Variants in DCT observed in about 807,000 individuals in gnomAD.
DCT encodes dopachrome tautomerase.
In DCT, 47 loss-of-function variants were observed where a neutral mutation model predicts 53.0. The observed-to-expected ratio is 0.89, with a 90% confidence interval of 0.70 to 1.13. The LOEUF (loss-of-function observed/expected upper bound fraction) is 1.13, where lower values mean the gene tolerates loss of function less well. Ranked by LOEUF, DCT falls within the 50% of genes most tolerant of loss-of-function variation. The probability of loss-of-function intolerance (pLI) is 0.00; values close to 1 mark genes in which losing one functional copy is unlikely to be tolerated. For synonymous variants in DCT, 244 were observed against 237.0 expected (o/e 1.03, Z -0.27); for missense variants, 669 against 637.4 (o/e 1.05, Z -0.53).
intron 6 of DCT, among the ~76,000 whole-genome samples, chr13:94,446,106 C>T (rs928635909): frequency 1.3e-5 from 2 of 152,122 alleles, no homozygotes; most frequent in African/African-American, 2.4e-5. Context: ...GGGATAGTGA[C>T]GCAGCTTGAG....
At chr13:94,500,808 C>T in the DCT span, among the ~76,000 whole-genome samples, 1 of 152,130 alleles carries the variant, frequency 6.6e-6, no homozygotes, top group Non-Finnish European at 1.5e-5. Flanking sequence ...CATTGCTCTT[C>T]ACTTTGTAAA....
chr13:94,502,978 G>A, the DCT span, among the ~76,000 whole-genome samples: 1 of 152,158 alleles, frequency 6.6e-6, no homozygotes, highest in Non-Finnish European at 1.5e-5. Context: ...ATAAAATATT[G>A]TTAGAAACAC....
chr13:94,476,207 T>G (rs1187830041), intron 1 of DCT, among the ~76,000 whole-genome samples: 2 of 113,048 alleles, frequency 1.8e-5, no homozygotes, highest in African/African-American at 6.3e-5. Flanking sequence ...TTTTTTTTTT[T>G]GAAGGTAGGT....
rs1594332908 is a variant in DCT at position 94,479,372 on chromosome 13, C to T, written c.-117G>A. ...TTTCAGTATTTTTTATTTTTCTTTG[C>T]TTTCTATTCCTTTCTTCTTAAAAAA... On this transcript the variant is annotated 5_prime_UTR_variant, in exon 1 of 8. Transcript: ENST00000377028. The T allele has an allele frequency of 2.1e-6, 2 of 939,976 alleles. No homozygotes were observed. Among genetic ancestry groups the T allele is most frequent in the Admixed American group, 6.1e-5 (2 of 32,914 alleles). 58.2% of individuals were successfully genotyped at this position (939,976 alleles called of 1,614,324 possible).
Position 94,476,469 on chromosome 13 carries a change from C to CTTTT in DCT, c.295+2488_295+2491dup, listed in dbSNP as rs57154236. ...AACTTTTTGAAAGTGTTGGCACTTT[C>CTTTT]TTTTTTTTTTTTTTTTTTTTCTGAG... On this transcript the variant is annotated intron_variant, in intron 1 of 7. Transcript: ENST00000377028. 2.0e-3 allele frequency among the ~76,000 whole-genome samples: 226 copies of CTTTT among 110,982 alleles called. 1 individual carries two copies. Among genetic ancestry groups the CTTTT allele is most frequent in the Middle Eastern group, 5.8e-3 (1 of 172 alleles). The allele number at this position is 110,982 out of a possible 152,430, so 72.8% of individuals were successfully genotyped here.
chr13:94,491,466 C>T, the DCT span, among the ~76,000 whole-genome samples: 3 of 152,322 alleles, frequency 2.0e-5, no homozygotes, highest in East Asian at 5.8e-4. Flanking sequence ...AATGACCTGA[C>T]TCCTAAATAA....
chr13:94,543,513 G>A, the DCT span, among the ~76,000 whole-genome samples: 8 of 152,136 alleles, frequency 5.3e-5, no homozygotes, highest in African/African-American at 1.2e-4. Context: ...TGACAGAACA[G>A]TTCCTGTCTT....
the DCT span, among the ~76,000 whole-genome samples, chr13:94,491,402 A>G: frequency 2.6e-5 from 4 of 152,120 alleles, no homozygotes; most frequent in Non-Finnish European, 5.9e-5. Context: ...AATATATTAG[A>G]TTAGGGGCCC....
At chr13:94,518,439 A>C in the DCT span, among the ~76,000 whole-genome samples, 2 of 152,308 alleles carry the variant, frequency 1.3e-5, no homozygotes, top group East Asian at 3.9e-4. Flanking sequence ...CCAAACTTAC[A>C]TCTACATGTT....
upstream of DCT, among the ~76,000 whole-genome samples, chr13:94,481,573 G>A (rs1423377279): frequency 6.6e-6 from 1 of 152,120 alleles, no homozygotes; most frequent in Non-Finnish European, 1.5e-5. Flanking sequence ...ATGTCAGAAT[G>A]CCCCAGGTCG....
At chr13:94,532,133 A>G in the DCT span, among the ~76,000 whole-genome samples, 1 of 152,186 alleles carries the variant, frequency 6.6e-6, no homozygotes, top group African/African-American at 2.4e-5. Flanking sequence ...AAGTCAGGAA[A>G]CAACAGATGC....
chr13:94,523,182 C>A, the DCT span, among the ~76,000 whole-genome samples: 1 of 152,220 alleles, frequency 6.6e-6, no homozygotes, highest in Non-Finnish European at 1.5e-5. Context: ...GAAAGAAGCT[C>A]CATCTTGGGA....
At chr13:94,516,324 T>G in the DCT span, among the ~76,000 whole-genome samples, 6 of 152,158 alleles carry the variant, frequency 3.9e-5, no homozygotes, top group African/African-American at 1.4e-4. Flanking sequence ...TAGGCTATTT[T>G]CTACATTAAA....
intron 6 of DCT, among the ~76,000 whole-genome samples, chr13:94,453,887 C>G (rs1310213931): frequency 2.0e-5 from 3 of 152,174 alleles, no homozygotes; most frequent in Non-Finnish European, 2.9e-5. Context: ...TCAGATACAT[C>G]TTTATCAGCA....
chr13:94,518,058 T>C, the DCT span, among the ~76,000 whole-genome samples: 1 of 112,212 alleles, frequency 8.9e-6, no homozygotes, highest in African/African-American at 3.4e-5. Context: ...GTCTGGGCAA[T>C]AAAGAAAAGA....
the DCT span, among the ~76,000 whole-genome samples, chr13:94,509,638 T>G: frequency 6.6e-6 from 1 of 152,184 alleles, no homozygotes; most frequent in Non-Finnish European, 1.5e-5. Flanking sequence ...CAGCATAACT[T>G]AGCCTACCCT....
At chr13:94,464,270 C>T (rs74103936) in intron 4 of DCT, among the ~76,000 whole-genome samples, 1,533 of 152,248 alleles carry the variant, frequency 0.01, 20 homozygotes, top group African/African-American at 0.033. Flanking sequence ...GCCTGGGGGC[C>T]GGGGGAGCCA....
chr13:94,540,781 G>C, the DCT span, among the ~76,000 whole-genome samples: 1 of 152,110 alleles, frequency 6.6e-6, no homozygotes, highest in Non-Finnish European at 1.5e-5. Context: ...ATATGATCCC[G>C]CAATCCCACT....
upstream of DCT, among the ~76,000 whole-genome samples, chr13:94,480,814 C>G (rs557648119): frequency 1.4e-3 from 212 of 152,350 alleles, 1 homozygote; most frequent in African/African-American, 4.7e-3. Flanking sequence ...TACAGCAGAG[C>G]TCCAAAGGAA....
Sources: gnomAD v4.1 joint callset for allele counts (sites outside exome capture counted in the v4.1 genomes callset) on GRCh38, gnomAD v4.1.1 for gene constraint, MANE v1.5 for transcripts, NCBI Gene and HGNC (gene_info 2026-07-23, HGNC 2026-07-21) for gene names.